The following ACTN4 variants were observed in gnomAD, a reference collection of about 807,000 sequenced individuals.
The protein encoded by ACTN4 is alpha-actinin-4.
In ACTN4, 18 loss-of-function variants were observed where a neutral mutation model predicts 114.2. The ratio of observed to expected loss-of-function variants is 0.16; its 90% confidence interval spans 0.11 to 0.23. ACTN4 has a LOEUF of 0.23. ACTN4 is among the 10% of genes least tolerant of loss of function. The pLI is 1.00. For synonymous variants in ACTN4, 515 were observed against 506.3 expected, an observed-to-expected ratio of 1.02 and a Z score of -0.23; for missense variants, 722 against 1,262.9, an observed-to-expected ratio of 0.57 and a Z score of 6.49.
chr19:38,648,088 G>C (rs946350710), intron 1 of ACTN4, 181 bp downstream of exon 1: 7 of 657,870 alleles, frequency 1.1e-5, no homozygotes, highest in Non-Finnish European at 1.6e-5. Flanking sequence ...CTAGAGGAAG[G>C]AATTGGGAAT....
chr19:38,693,322 C>G (rs569075268), intron 1 of ACTN4, among the ~76,000 whole-genome samples: 1 of 152,204 alleles, frequency 6.6e-6, no homozygotes, highest in African/African-American at 2.4e-5. Flanking sequence ...AGCGACTTTG[C>G]AAGAGACTCC....
chr19:38,714,331 T>C, intron 8 of ACTN4, 138 bp from the exon 9 acceptor site: 1 of 781,596 alleles, frequency 1.3e-6, no homozygotes, highest in Admixed American at 2.0e-5. Flanking sequence ...GGGCACCATC[T>C]CACTGGAGCT....
rs1555826143 is a variant in ACTN4, at chr19:38,673,508, A to ATATATTC, written c.162+25601_162+25602insTATATTC. Reference sequence around the variant, plus strand: ...ATATTCATATATATTTATATATATGAATATATATTTATATATATTCATATA... The same window carrying ATATATTC: ...ATATTCATATATATTTATATATATGATATATTCATATATATTTATATATATTCATATA... On this transcript the variant is annotated intron_variant, in intron 1 of 20. Coordinates refer to ENST00000252699, the MANE Select transcript of ACTN4 (RefSeq NM_004924.6). 4.2e-3 allele frequency among the ~76,000 whole-genome samples: 276 copies of ATATATTC among 64,970 alleles called. 3 individuals carry two copies. The highest frequency in any genetic ancestry group is 0.015 in the African/African-American group (265 of 17,406). The allele number at this position is 64,970 out of a possible 152,430, so 42.6% of individuals were successfully genotyped here.
chr19:38,651,546 A>C (rs1976561800), intron 1 of ACTN4, among the ~76,000 whole-genome samples: 1 of 152,102 alleles, frequency 6.6e-6, no homozygotes, highest in Non-Finnish European at 1.5e-5. Flanking sequence ...AGCAAGAAGA[A>C]ATGACTCACT....
intron 12 of ACTN4, among the ~76,000 whole-genome samples, chr19:38,723,210 G>A (rs971742788): frequency 9.9e-5 from 15 of 152,268 alleles, no homozygotes; most frequent in African/African-American, 1.9e-4. Flanking sequence ...GCCCCTGTCC[G>A]CTGTCTGTGG....
rs535068183 is a variant in ACTN4, at chr19:38,719,989, C to T, written c.1292-1549C>T. 7.9e-5 allele frequency among the ~76,000 whole-genome samples: 12 copies of T among 152,350 alleles called. No individual in the cohort carries two copies. In the South Asian group the frequency reaches 2.5e-3, roughly 32 times the overall value. ...ACCCCTACCTGACTGGGCATCCACG[C>T]GGGTCTGCCCATGGCGTCTGCCAGA... is the stretch of plus-strand genomic sequence containing the variant. On this transcript the variant is annotated intron_variant, in intron 11 of 20. Transcript: ENST00000252699.
At chr19:38,652,185 G>A (rs114206080) in intron 1 of ACTN4, among the ~76,000 whole-genome samples, 2,147 of 150,844 alleles carry the variant, frequency 0.014, 58 homozygotes, top group African/African-American at 0.048. Flanking sequence ...TAACACACTT[G>A]ACAAAAAAAA....
chr19:38,685,669 C>T (rs1181538776), intron 1 of ACTN4, among the ~76,000 whole-genome samples: 1 of 152,124 alleles, frequency 6.6e-6, no homozygotes, highest in South Asian at 2.1e-4. Flanking sequence ...ATGCATGAAA[C>T]AAGCCCAAGT....
At chr19:38,688,197 C>T (rs1377195492) in intron 1 of ACTN4, among the ~76,000 whole-genome samples, 1 of 151,960 alleles carries the variant, frequency 6.6e-6, no homozygotes, top group Non-Finnish European at 1.5e-5. Context: ...GGCTTGGGGC[C>T]ACGAATTGGA....
At chr19:38,666,824 A>G (rs1966977280) in intron 1 of ACTN4, among the ~76,000 whole-genome samples, 1 of 152,102 alleles carries the variant, frequency 6.6e-6, no homozygotes, top group Non-Finnish European at 1.5e-5. Flanking sequence ...ACTTAGTGGG[A>G]GGGAGGAACA....
chr19:38,712,253 G>C (rs375339964), intron 8 of ACTN4, among the ~76,000 whole-genome samples: 2 of 152,074 alleles, frequency 1.3e-5, no homozygotes, highest in African/African-American at 4.8e-5. Context: ...AGAAGGGGGG[G>C]GCCGTACCTT....
intron 1 of ACTN4, among the ~76,000 whole-genome samples, chr19:38,653,521 T>C (rs761944859): frequency 4.6e-5 from 7 of 152,314 alleles, no homozygotes; most frequent in Non-Finnish European, 5.9e-5. Flanking sequence ...TATCACTTGC[T>C]CGTTCAGGTT....
chr19:38,649,363 T>TG (rs1976490405), intron 1 of ACTN4, among the ~76,000 whole-genome samples: 1 of 83,128 alleles, frequency 1.2e-5, no homozygotes, highest in African/African-American at 4.8e-5. Flanking sequence ...TGGGTGTGTG[T>TG]GGGGGGAAGG....
chr19:38,685,180 G>A (rs1424732410), intron 1 of ACTN4, among the ~76,000 whole-genome samples: 2 of 152,050 alleles, frequency 1.3e-5, no homozygotes, highest in Admixed American at 6.6e-5. Context: ...TCCTGACCTC[G>A]TGATCCACCC....
intron 3 of ACTN4, among the ~76,000 whole-genome samples, chr19:38,701,972 C>G (rs538445288): frequency 6.6e-6 from 1 of 152,362 alleles, no homozygotes; most frequent in African/African-American, 2.4e-5. Context: ...TCTGCCCCGG[C>G]CCAGGACCTC....
At chr19:38,649,499 A>G (rs560862944) in intron 1 of ACTN4, among the ~76,000 whole-genome samples, 1 of 152,296 alleles carries the variant, frequency 6.6e-6, no homozygotes, top group East Asian at 1.9e-4. Context: ...GCCTTGGACA[A>G]GACCCTTGAA....
At chr19:38,711,701 GC>G (rs1262840902) in intron 8 of ACTN4, among the ~76,000 whole-genome samples, 1 of 152,134 alleles carries the variant, frequency 6.6e-6, no homozygotes, top group Admixed American at 6.5e-5. Context: ...GTTCCCACTC[GC>G]CCTGTCCATC....
At position 38,723,650 on chromosome 19, in the gene ACTN4, C is replaced by G. The variant is rs764047266; in HGVS notation, c.1479C>G (p.Thr493=). 4.3e-6 allele frequency: 7 copies of G among 1,613,358 alleles called. No homozygotes were observed. The East Asian group carries it at 8.9e-5, about 21-fold the overall frequency. Residue 493 remains threonine, a synonymous_variant, in exon 13 of 21, where the codon ACC becomes ACG. Coordinates refer to ENST00000252699, the MANE Select transcript of ACTN4 (RefSeq NM_004924.6). ...ACTACGACTCCCACAATGTCAACAC[C>G]CGGTGCCAGAAGATCTGTGACCAGT... ...LDYYDSHNVN[T]RCQKICDQWD... is the part of the protein sequence containing the mutation.
intron 1 of ACTN4, among the ~76,000 whole-genome samples, chr19:38,688,248 G>C (rs1967807619): frequency 6.6e-6 from 1 of 151,244 alleles, no homozygotes; most frequent in Non-Finnish European, 1.5e-5. Flanking sequence ...CCTCTACAGA[G>C]AATTAAAATA....
Sources: gnomAD v4.1 joint callset for allele counts (sites outside exome capture counted in the v4.1 genomes callset) on GRCh38, gnomAD v4.1.1 for gene constraint, MANE v1.5 for transcripts, NCBI Gene and HGNC (gene_info 2026-07-23, HGNC 2026-07-21) for gene names.